ABLIM3: variants seen among roughly 807,000 people sequenced by gnomAD.
ABLIM3 encodes actin binding LIM protein family member 3.
A neutral mutation model predicts 109.5 loss-of-function variants in ABLIM3; 61 were observed. The observed-to-expected ratio is 0.56, with a 90% CI of 0.45 to 0.69. The LOEUF (loss-of-function observed/expected upper bound fraction) is 0.69. ABLIM3 is among the 30% of genes least tolerant of loss of function. The pLI is 0.00. For synonymous variants in ABLIM3, 300 were observed against 324.8 expected (o/e 0.92, Z 0.82); for missense variants, 796 against 889.5 (o/e 0.89, Z 1.34).
chr5:149,240,659 C>A lies in ABLIM3; in HGVS notation c.1205-17C>A, dbSNP rs777098962. 1.9e-6 allele frequency: 3 copies of A among 1,609,074 alleles called. No individual in the cohort carries two copies. The highest frequency in any genetic ancestry group is 2.6e-6 in the Non-Finnish European group (3 of 1,175,890). ...GTGCCTCTGTTTTCTTTGGCGACCA[C>A]TTCCTGCGTGCTCCAGGGCCCGAGA... On this transcript the variant is annotated splice_polypyrimidine_tract_variant and intron_variant, in intron 13 of 23. Coordinates refer to ENST00000309868, the MANE Select transcript of ABLIM3 (RefSeq NM_014945.5).
In ABLIM3 at chr5:149,211,227, G is replaced by T. The variant is rs1265563064; in HGVS notation, c.669+408G>T. The stretch of plus-strand genomic sequence containing the variant: ...TATTTGGTAATGTGCTGATTTAAGA[G>T]CCAGCTTGTCTAGCAGCTTGCTCCC... On this transcript the variant is annotated intron_variant, in intron 7 of 23. Transcript: ENST00000309868. 5.9e-5 allele frequency among the ~76,000 whole-genome samples: 9 copies of T among 152,064 alleles called. No homozygotes were observed. The East Asian group carries it at 1.7e-3, about 29-fold the overall frequency.
intron 15 of ABLIM3, chr5:149,244,502 G>A: frequency 4.6e-6 from 1 of 215,438 alleles, no homozygotes; most frequent in Non-Finnish European, 9.5e-6. Context: ...CTAAAGGGCT[G>A]GGGCTCACCT....
intron 16 of ABLIM3, among the ~76,000 whole-genome samples, chr5:149,245,955 G>A (rs893536): frequency 0.079 from 11,974 of 152,140 alleles, 1,160 homozygotes; most frequent in African/African-American, 0.23. Flanking sequence ...TTGAGCCCAG[G>A]AAATTGAGAC....
intron 19 of ABLIM3, 88 bp from the exon 20 acceptor site, chr5:149,250,359 A>G (rs1226853698): frequency 3.8e-5 from 51 of 1,326,894 alleles, no homozygotes; most frequent in Non-Finnish European, 5.4e-5. Flanking sequence ...GGTTGGGAGC[A>G]GTGTTGGCCA....
intron 3 of ABLIM3, among the ~76,000 whole-genome samples, chr5:149,186,525 A>G (rs1057112376): frequency 7.9e-5 from 12 of 152,222 alleles, no homozygotes; most frequent in African/African-American, 2.2e-4. Flanking sequence ...ATAAAAATTT[A>G]TAACAATATA....
intron 3 of ABLIM3, among the ~76,000 whole-genome samples, chr5:149,193,592 C>T (rs1356757090): frequency 6.6e-6 from 1 of 151,938 alleles, no homozygotes; most frequent in East Asian, 1.9e-4. Context: ...TAAGGTTTTC[C>T]ATAGAAATTA....
chr5:149,198,367 T>A lies in ABLIM3; in HGVS notation c.300T>A (p.Thr100=). ...TGEVISALGR[T]YHPKCFVCSL... ...AAGTCATCTCGGCCCTGGGCCGCACTTACCACCCCAAGTGCTTCGTGTGCA... is the reference window on the plus strand; with the variant it reads ...AAGTCATCTCGGCCCTGGGCCGCACATACCACCCCAAGTGCTTCGTGTGCA... Residue 100 remains threonine, a synonymous_variant, in exon 4 of 24, where the codon ACT becomes ACA. Coordinates refer to ENST00000309868, the MANE Select transcript of ABLIM3 (RefSeq NM_014945.5). The surrounding 1 kb of genome is among the most constrained non-coding windows in gnomAD (Gnocchi z 4.2). 1 of 1,613,514 alleles carries A rather than the reference T, an allele frequency of 6.2e-7. No individual in the cohort carries two copies. The highest frequency in any genetic ancestry group is 8.5e-7 in the Non-Finnish European group (1 of 1,179,660).
Position 149,185,569 on chromosome 5 carries a change from C to T in ABLIM3, c.151+1980C>T, listed in dbSNP as rs557365574. Among the ~76,000 whole-genome samples, 26 of 152,256 alleles carry T rather than the reference C, an allele frequency of 1.7e-4. 1 individual carries two copies. Among genetic ancestry groups the T allele is most frequent in the East Asian group, 5.8e-4 (3 of 5,180 alleles). ...GAACGGAATAATTTGGCCATTTTCA[C>T]ATTTACCACACGGAGTTTGTAGAAT... On this transcript the variant is annotated intron_variant, in intron 3 of 23. Transcript: ENST00000309868.
chr5:149,168,618 A>C (rs762261183), intron 2 of ABLIM3, among the ~76,000 whole-genome samples: 1 of 152,258 alleles, frequency 6.6e-6, no homozygotes, highest in African/African-American at 2.4e-5. Context: ...GGCTGAGTGC[A>C]TAAAGTATGT....
At chr5:149,239,113 A>G in intron 11 of ABLIM3, 135 bp from the exon 12 acceptor site, 1 of 818,952 alleles carries the variant, frequency 1.2e-6, no homozygotes, top group Non-Finnish European at 2.1e-6. Flanking sequence ...CGAGGCTGTT[A>G]TCTGGAGAGG....
At chr5:149,210,867 C>T (rs757464529) in intron 7 of ABLIM3, 48 bp downstream of exon 7, 24 of 1,547,732 alleles carry the variant, frequency 1.6e-5, no homozygotes, top group Non-Finnish European at 2.1e-5. Flanking sequence ...TGATCTGTGC[C>T]TCCAAAAAGT....
chr5:149,169,365 T>C (rs1026639042), intron 2 of ABLIM3, among the ~76,000 whole-genome samples: 4 of 152,040 alleles, frequency 2.6e-5, no homozygotes, highest in African/African-American at 9.7e-5. Context: ...GAATCTATCA[T>C]GGACTCCAGG....
In ABLIM3 at chr5:149,244,991, T is replaced by G. The variant is rs1257588428; in HGVS notation, c.1462T>G (p.Trp488Gly). 1 of 1,614,084 alleles carries G rather than the reference T, an allele frequency of 6.2e-7. No individual in the cohort carries two copies. Among genetic ancestry groups the G allele is most frequent in the Non-Finnish European group, 8.5e-7 (1 of 1,180,048 alleles). Residue 488 changes from tryptophan (W) to glycine (G), a missense_variant, in exon 16 of 24, where the codon TGG becomes GGG. Physicochemically the swap from Trp to Gly is radical, Grantham distance 184. Coordinates refer to ENST00000309868, the MANE Select transcript of ABLIM3 (RefSeq NM_014945.5). ...CTACTATGCTTCGGAGTCTGAGTAC[T>G]GGACCTACCATGGGTCCCCCAAAGG... ...DPYYASESEY[W>G]TYHGSPKVPR...
Position 149,167,690 on chromosome 5 carries a change from G to A in ABLIM3, c.14-15762G>A, listed in dbSNP as rs142686459. The stretch of plus-strand genomic sequence containing the variant: ...CTCAGAATTAGGACTAGAGAGATAA[G>A]CTCAAGAGATACCGTCCCTGCCCTC... On this transcript the variant is annotated intron_variant, in intron 2 of 23. Transcript: ENST00000309868. Among the ~76,000 whole-genome samples, 437 of 152,242 alleles carry A rather than the reference G, an allele frequency of 2.9e-3. 2 individuals are homozygous for A. Among genetic ancestry groups the A allele is most frequent in the African/African-American group, 0.01 (428 of 41,542 alleles).
intron 18 of ABLIM3, among the ~76,000 whole-genome samples, chr5:149,249,612 C>T (rs1315863299): frequency 2.0e-5 from 3 of 152,184 alleles, no homozygotes; most frequent in South Asian, 4.1e-4. Flanking sequence ...AGGTGCCAGG[C>T]TGGGAGCTGG....
chr5:149,215,773 G>C (rs533328130), intron 7 of ABLIM3, among the ~76,000 whole-genome samples: 2 of 152,178 alleles, frequency 1.3e-5, no homozygotes, highest in South Asian at 4.2e-4. Flanking sequence ...CCAAGCTCCT[G>C]CATATACAAA....
At chr5:149,192,326 G>T (rs1318032494) in intron 3 of ABLIM3, among the ~76,000 whole-genome samples, 1 of 150,512 alleles carries the variant, frequency 6.6e-6, no homozygotes, top group African/African-American at 2.5e-5. Context: ...TAAGGAGAAA[G>T]GAAAAGAACC....
chr5:149,255,714 A>G (rs1472431385), intron 23 of ABLIM3, among the ~76,000 whole-genome samples: 1 of 152,238 alleles, frequency 6.6e-6, no homozygotes, highest in Non-Finnish European at 1.5e-5. Context: ...GTGTTTGAAC[A>G]TAGCAGAAGG....
intron 2 of ABLIM3, among the ~76,000 whole-genome samples, chr5:149,180,214 A>G (rs1203026057): frequency 6.6e-6 from 1 of 152,242 alleles, no homozygotes; most frequent in Non-Finnish European, 1.5e-5. Context: ...TTCACCCATA[A>G]GAAAAATGTT....
Sources: gnomAD v4.1 joint callset for allele counts (sites outside exome capture counted in the v4.1 genomes callset) on GRCh38, gnomAD v4.1.1 for gene constraint, Gnocchi (gnomAD v3.1) non-coding constraint, MANE v1.5 for transcripts, NCBI Gene and HGNC (gene_info 2026-07-23, HGNC 2026-07-21) for gene names.